The following RASAL1 variants were observed in gnomAD, a reference collection of about 807,000 sequenced individuals.
RASAL1 encodes the protein RAS protein activator like 1.
A neutral mutation model predicts 96.6 loss-of-function variants in RASAL1; 72 were observed. The ratio of observed to expected loss-of-function variants is 0.75; its 90% confidence interval spans 0.62 to 0.91. The LOEUF is 0.91. Ranked by LOEUF, RASAL1 falls within the 40% of genes least tolerant of loss-of-function variation. The pLI, the probability that RASAL1 is intolerant of heterozygous loss-of-function variation, is 0.00. For synonymous variants in RASAL1, 405 were observed against 430.4 expected, an observed-to-expected ratio of 0.94 and a Z score of 0.73; for missense variants, 1,016 against 1,072.5, an observed-to-expected ratio of 0.95 and a Z score of 0.74.
rs1049108442 is a variant in RASAL1, at chr12:113,117,053, C to A, written c.731+20G>T. The A allele has an allele frequency of 6.4e-7, 1 of 1,555,558 alleles. No homozygotes were observed. Among genetic ancestry groups the A allele is most frequent in the Non-Finnish European group, 8.8e-7 (1 of 1,136,424 alleles). On this transcript the variant is annotated intron_variant, in intron 8 of 20. Coordinates refer to ENST00000548055, the MANE Select transcript of RASAL1 (RefSeq NM_001301202.2). The stretch of plus-strand genomic sequence containing the variant: ...CGGCATGGCTCCAGCCTGGCCCCCT[C>A]CCTCTGCACCCACATTTACCCAGAA...
At chr12:113,124,429 C>T (rs191196719) in intron 4 of RASAL1, among the ~76,000 whole-genome samples, 1 of 152,292 alleles carries the variant, frequency 6.6e-6, no homozygotes, top group Admixed American at 6.5e-5. Context: ...GGACACGTTC[C>T]TTCTTTTCTT....
Position 113,116,017 on chromosome 12 carries a change from G to A in RASAL1, c.766C>T (p.Leu256=). The change falls in exon 9 of 21, where the codon CTG becomes TTG. Residue 256 remains leucine, a synonymous_variant. Transcript: ENST00000548055. ...NLGALRVKVR[L]IEDRVLPSQC... is the part of the protein sequence containing the mutation. Reference sequence around the variant, plus strand: ...GAGGGCAGGACGCGGTCCTCAATCAGGCGTACCTTCACTCGCAGGGCACCC... The same window carrying A: ...GAGGGCAGGACGCGGTCCTCAATCAAGCGTACCTTCACTCGCAGGGCACCC... 1 of 1,605,946 alleles carries A rather than the reference G, an allele frequency of 6.2e-7. No homozygotes were observed. Among genetic ancestry groups the A allele is most frequent in the Middle Eastern group, 1.7e-4 (1 of 6,028 alleles).
Position 113,099,864 on chromosome 12 carries a change from G to A in RASAL1, c.*65C>T. 6.4e-7 allele frequency: 1 copy of A among 1,551,220 alleles called. No individual in the cohort carries two copies. The highest frequency in any genetic ancestry group is 8.7e-7 in the Non-Finnish European group (1 of 1,144,686). ...TCCAAGGAGACAGGAGACTCCCGGG[G>A]CAGGATGCGCTGAAGAGGGCCCCCT... On this transcript the variant is annotated 3_prime_UTR_variant, in exon 21 of 21. Transcript: ENST00000548055.
chr12:113,135,403 C>G lies in RASAL1; in HGVS notation c.60G>C (p.Lys20Asn). 6.2e-7 allele frequency: 1 copy of G among 1,608,972 alleles called. No homozygotes were observed. The highest frequency in any genetic ancestry group is 8.5e-7 in the Non-Finnish European group (1 of 1,178,112). The change falls in exon 1 of 21, where the codon AAG becomes AAC. Residue 20 changes from lysine to asparagine, a missense_variant. Transcript: ENST00000548055. This position sits in a 1 kb window ranked among gnomAD's most constrained non-coding sequence, Gnocchi z 5.7. ...AGCGCCCGAGGAGTACTCACACGTC[C>G]TTGGCAGGCAGCGCGCGGCCCTCCA... is the stretch of plus-strand genomic sequence containing the variant. ...RVVEGRALPA[K>N]DVSGSSDPYC...
chr12:113,102,696 T>C (rs1035305048), intron 18 of RASAL1, among the ~76,000 whole-genome samples: 4 of 152,160 alleles, frequency 2.6e-5, no homozygotes, highest in Non-Finnish European at 1.5e-5. Context: ...CACTCCAGCC[T>C]GGGCAACAGA....
Position 113,130,622 on chromosome 12 carries a change from A to C in RASAL1, c.122+263T>G, listed in dbSNP as rs1002799172. Among the ~76,000 whole-genome samples the C allele has an allele frequency of 2.0e-5, 3 of 152,176 alleles. No individual in the cohort carries two copies. Among genetic ancestry groups the C allele is most frequent in the Admixed American group, 1.3e-4 (2 of 15,276 alleles). The stretch of plus-strand genomic sequence containing the variant: ...AAGCGTGAGATGCCCGCCCCCAGGG[A>C]GGCCACTGTAGGAGGCACAGGCTGG... On this transcript the variant is annotated intron_variant, in intron 2 of 20. Transcript: ENST00000548055. This position sits in a 1 kb window ranked among gnomAD's most constrained non-coding sequence, Gnocchi z 5.1.
At chr12:113,107,938 G>A in intron 14 of RASAL1, 147 bp downstream of exon 14, 1 of 906,224 alleles carries the variant, frequency 1.1e-6, no homozygotes, top group Non-Finnish European at 1.6e-6. Flanking sequence ...TTCACCCTTG[G>A]GATGGAATGC....
Position 113,112,169 on chromosome 12 carries a change from C to T in RASAL1, c.1291G>A (p.Gly431Arg), listed in dbSNP as rs1950888323. 8.0e-7 allele frequency: 1 copy of T among 1,255,346 alleles called. No individual in the cohort carries two copies. Among genetic ancestry groups the T allele is most frequent in the Non-Finnish European group, 1.0e-6 (1 of 992,266 alleles). The allele number at this position is 1,255,346 out of a possible 1,614,324, so 77.8% of individuals were successfully genotyped here. Reference protein sequence around the residue: ...PIVDAIVGSVGRCPPAMRLAF... With the variant: ...PIVDAIVGSVRRCPPAMRLAF... ...AGGCGCATGGCGGGCGGGCAGCGCC[C>T]CACGGAGCCCACGATGGCGTCCACG... The change falls in exon 13 of 21, where the codon GGG (glycine) becomes AGG (arginine). Residue 431 changes from glycine to arginine, a missense_variant. Coordinates refer to ENST00000548055, the MANE Select transcript of RASAL1 (RefSeq NM_001301202.2).
chr12:113,119,543 G>T, intron 5 of RASAL1, 100 bp from the exon 6 acceptor site: 1 of 1,179,312 alleles, frequency 8.5e-7, no homozygotes, highest in South Asian at 1.3e-5. Context: ...TGGTTTCCAA[G>T]GCAACAAACT....
chr12:113,125,745 A>G (rs1413142311), intron 4 of RASAL1, among the ~76,000 whole-genome samples: 1 of 152,234 alleles, frequency 6.6e-6, no homozygotes, highest in African/African-American at 2.4e-5. Context: ...CACCTCTAGT[A>G]ATTTATCTGA....
At chr12:113,111,998 T>G (rs1335169870) in intron 13 of RASAL1, 88 bp downstream of exon 13, 2 of 1,145,492 alleles carry the variant, frequency 1.7e-6, no homozygotes, top group Non-Finnish European at 2.2e-6. Flanking sequence ...GCAGCCTAGG[T>G]TCTGGTCACA....
chr12:113,121,482 T>C, intron 5 of RASAL1, 27 bp downstream of exon 5: 1 of 1,613,486 alleles, frequency 6.2e-7, no homozygotes, highest in Non-Finnish European at 8.5e-7. Context: ...CAGACCACCC[T>C]CCACACCACC....
chr12:113,122,437 C>A (rs889809175), intron 4 of RASAL1, among the ~76,000 whole-genome samples: 5 of 152,206 alleles, frequency 3.3e-5, no homozygotes, highest in African/African-American at 9.6e-5. Context: ...GATCCTCCTG[C>A]CTCAGCCTCC....
intron 11 of RASAL1, 56 bp from the exon 12 acceptor site, chr12:113,114,968 C>T: frequency 1.4e-6 from 2 of 1,426,074 alleles, no homozygotes; most frequent in Non-Finnish European, 2.0e-6. Context: ...GGGGCATGCC[C>T]ATGAGCTGGG....
intron 8 of RASAL1, among the ~76,000 whole-genome samples, chr12:113,116,665 T>C (rs2136188825): frequency 6.6e-6 from 1 of 152,312 alleles, no homozygotes; most frequent in Middle Eastern, 3.4e-3. Flanking sequence ...CAAGTGTAGA[T>C]GATTGTTGAC....
chr12:113,128,707 A>C (rs142798646), intron 2 of RASAL1, among the ~76,000 whole-genome samples: 2 of 152,296 alleles, frequency 1.3e-5, no homozygotes, highest in Admixed American at 6.5e-5. Flanking sequence ...CCAGAGACAG[A>C]GACACATTTA....
Position 113,115,717 on chromosome 12 carries a change from G to A in RASAL1, c.921C>T (p.Thr307=). The A allele has an allele frequency of 6.2e-7, 1 of 1,614,206 alleles. No homozygotes were observed. Among genetic ancestry groups the A allele is most frequent in the Admixed American group, 1.7e-5 (1 of 60,028 alleles). ...GGCCAAGAAAGAGTTTCACCAGCTT[G>A]GTGGCAAGGTCCTGGCGGCAGTCCC... The part of the protein sequence containing the change: ...TLGDCRQDLA[T]KLVKLFLGRG... Residue 307 remains threonine, a synonymous_variant, in exon 10 of 21, where the codon ACC becomes ACT. Coordinates refer to ENST00000548055, the MANE Select transcript of RASAL1 (RefSeq NM_001301202.2). This position sits in a 1 kb window ranked among gnomAD's most constrained non-coding sequence, Gnocchi z 4.1.
chr12:113,099,544 C>A lies in RASAL1; in HGVS notation c.*385G>T, dbSNP rs1462687351. 3 of 174,094 alleles carry A rather than the reference C, an allele frequency of 1.7e-5. No homozygotes were observed. Among genetic ancestry groups the A allele is most frequent in the Non-Finnish European group, 2.4e-5 (2 of 82,974 alleles). The allele number at this position is 174,094 out of a possible 1,614,324, so 10.8% of individuals were successfully genotyped here. On this transcript the variant is annotated 3_prime_UTR_variant, in exon 21 of 21. Transcript: ENST00000548055. ...GAGGCCATTTAGTGCCCATCTGGGG[C>A]AACAACATCACATGGGCATCAGGAA...
chr12:113,122,712 C>T (rs1358180478), intron 4 of RASAL1, among the ~76,000 whole-genome samples: 1 of 152,184 alleles, frequency 6.6e-6, no homozygotes, highest in African/African-American at 2.4e-5. Context: ...TTTTAAAATC[C>T]TGCTGAGTAG....
Sources: gnomAD v4.1 joint callset for allele counts (sites outside exome capture counted in the v4.1 genomes callset) on GRCh38, gnomAD v4.1.1 for gene constraint, Gnocchi (gnomAD v3.1) non-coding constraint, MANE v1.5 for transcripts, NCBI Gene and HGNC (gene_info 2026-07-23, HGNC 2026-07-21) for gene names.